Variants in IMMP2L observed in about 807,000 individuals in gnomAD.
IMMP2L encodes the protein inner mitochondrial membrane peptidase subunit 2, also known as mitochondrial inner membrane protease subunit 2.
IMMP2L carries 18 observed loss-of-function variants against 19.3 expected under a neutral mutation model. The observed-to-expected ratio is 0.93, with a 90% confidence interval of 0.64 to 1.38. The LOEUF is 1.38. Among genes scored for constraint, IMMP2L ranks in the 40% most tolerant of loss-of-function variants. The probability of loss-of-function intolerance (pLI) is 0.00; values close to 1 mark genes in which losing one functional copy is unlikely to be tolerated. For missense variants in IMMP2L, 233 were observed against 218.2 expected (o/e 1.07, Z -0.43); for synonymous variants, 76 against 73.0 (o/e 1.04, Z -0.21).
intron 1 of IMMP2L, among the ~76,000 whole-genome samples, chr7:111,525,760 T>A (rs995797114): frequency 6.6e-6 from 1 of 152,130 alleles, no homozygotes; most frequent in Non-Finnish European, 1.5e-5. Context: ...AAATATTTAA[T>A]ACTAAAATTA....
intron 3 of IMMP2L, among the ~76,000 whole-genome samples, chr7:111,341,246 T>A (rs1277427610): frequency 6.6e-6 from 1 of 152,048 alleles, no homozygotes; most frequent in Non-Finnish European, 1.5e-5. Flanking sequence ...AGCCAATACA[T>A]CACACAGAAA....
At chr7:110,990,798 T>C (rs2129559526) in intron 3 of IMMP2L, among the ~76,000 whole-genome samples, 1 of 152,234 alleles carries the variant, frequency 6.6e-6, no homozygotes, top group African/African-American at 2.4e-5. Flanking sequence ...TCTATCTTGG[T>C]TTTCCAATTG....
At chr7:110,797,718 A>C (rs971485013) in intron 5 of IMMP2L, among the ~76,000 whole-genome samples, 1 of 152,004 alleles carries the variant, frequency 6.6e-6, no homozygotes, top group African/African-American at 2.4e-5. Context: ...GTTCCCTGCT[A>C]TATGGAAGAC....
intron 5 of IMMP2L, among the ~76,000 whole-genome samples, chr7:110,840,516 T>C (rs1271137430): frequency 6.6e-6 from 1 of 152,094 alleles, no homozygotes; most frequent in African/African-American, 2.4e-5. Context: ...TTAGCTAAAA[T>C]TGAGAAGGTG....
chr7:111,429,107 T>A (rs182751163), intron 3 of IMMP2L, among the ~76,000 whole-genome samples: 1 of 151,904 alleles, frequency 6.6e-6, no homozygotes, highest in Admixed American at 6.6e-5. Flanking sequence ...GAACATGCAA[T>A]CCTTTTTTCT....
chr7:111,196,504 A>G (rs1456715500), intron 3 of IMMP2L, among the ~76,000 whole-genome samples: 1 of 152,216 alleles, frequency 6.6e-6, no homozygotes, highest in Admixed American at 6.5e-5. Flanking sequence ...ATTCAAAAAG[A>G]TTATGGAGGA....
intron 2 of IMMP2L, among the ~76,000 whole-genome samples, chr7:111,514,989 CTCTT>C (rs918398200): frequency 5.3e-5 from 8 of 152,070 alleles, no homozygotes; most frequent in Admixed American, 3.9e-4. Flanking sequence ...TCATTCTCCT[CTCTT>C]TCTTTCAACT....
At chr7:110,738,666 A>G (rs763276343) in intron 5 of IMMP2L, among the ~76,000 whole-genome samples, 11 of 152,224 alleles carry the variant, frequency 7.2e-5, no homozygotes, top group Non-Finnish European at 1.2e-4. Context: ...AGTCGAAGAA[A>G]ACTTCCCCAG....
chr7:110,901,531 T>C (rs544452155), intron 4 of IMMP2L, among the ~76,000 whole-genome samples: 2 of 152,296 alleles, frequency 1.3e-5, no homozygotes, highest in Admixed American at 6.5e-5. Context: ...GTGCTACACT[T>C]ACTTTGTGAA....
chr7:111,180,295 C>T (rs904469634), intron 3 of IMMP2L, among the ~76,000 whole-genome samples: 29 of 151,934 alleles, frequency 1.9e-4, no homozygotes, highest in Admixed American at 1.3e-4. Flanking sequence ...TTCTCTTGGA[C>T]ACTTAGAGGC....
chr7:111,123,095 C>A lies in IMMP2L; in HGVS notation c.240-159530G>T. ...TCTCAAAACAATTTATCTTCAGTCA[C>A]CAATATTAATGTAAAAAAGATGCCT... On this transcript the variant is annotated intron_variant, in intron 3 of 5. Coordinates refer to ENST00000405709, the MANE Select transcript of IMMP2L (RefSeq NM_032549.4). The surrounding 1 kb of genome is among the most constrained non-coding windows in gnomAD (Gnocchi z 6.4). 1 of 1,613,612 alleles carries A rather than the reference C, an allele frequency of 6.2e-7. No homozygotes were observed. The highest frequency in any genetic ancestry group is 2.2e-5 in the East Asian group (1 of 44,810).
intron 3 of IMMP2L, among the ~76,000 whole-genome samples, chr7:111,111,357 C>G (rs1799175971): frequency 7.5e-6 from 1 of 133,124 alleles, no homozygotes; most frequent in African/African-American, 2.8e-5. Context: ...TGCCCATTAA[C>G]AAAAATTAAA....
chr7:111,080,065 C>T (rs1465182211), intron 3 of IMMP2L, among the ~76,000 whole-genome samples: 4 of 152,004 alleles, frequency 2.6e-5, no homozygotes, highest in Admixed American at 1.3e-4. Context: ...CTATGGTATT[C>T]TGTTACAGCA....
chr7:111,271,019 G>A (rs1818404497), intron 3 of IMMP2L, among the ~76,000 whole-genome samples: 1 of 152,128 alleles, frequency 6.6e-6, no homozygotes, highest in Non-Finnish European at 1.5e-5. Flanking sequence ...ATCTTGAACT[G>A]TAGTTCCCAT....
chr7:111,536,946 T>C (rs750262271), intron 1 of IMMP2L, among the ~76,000 whole-genome samples: 3 of 152,074 alleles, frequency 2.0e-5, no homozygotes, highest in Non-Finnish European at 4.4e-5. Flanking sequence ...ACAGCTGACA[T>C]TGAAATTGTC....
chr7:110,904,097 G>A (rs1812205710), intron 4 of IMMP2L, among the ~76,000 whole-genome samples: 1 of 151,988 alleles, frequency 6.6e-6, no homozygotes. Context: ...CTATAGAGTT[G>A]TAGGAGTTCC....
chr7:111,315,679 C>A (rs754151807), intron 3 of IMMP2L, among the ~76,000 whole-genome samples: 41 of 150,710 alleles, frequency 2.7e-4, no homozygotes, highest in Non-Finnish European at 4.3e-4. Context: ...ATGAATGAGA[C>A]TACGTCCATT....
intron 4 of IMMP2L, among the ~76,000 whole-genome samples, chr7:110,907,504 G>C (rs1390618557): frequency 6.6e-6 from 1 of 151,768 alleles, no homozygotes; most frequent in Non-Finnish European, 1.5e-5. Flanking sequence ...ACATGATGGG[G>C]GATGGGGCGG....
rs1407226161 is a variant in IMMP2L, at chr7:111,403,004, ACCCC to A, written c.239+84230_239+84233del. Among the ~76,000 whole-genome samples the A allele has an allele frequency of 1.5e-3, 50 of 32,580 alleles. 3 individuals are homozygous for A. The highest frequency in any genetic ancestry group is 5.9e-3 in the African/African-American group (47 of 7,980). 21.4% of individuals were successfully genotyped at this position (32,580 alleles called of 152,430 possible). A position where few individuals can be genotyped will look rare whatever the true frequency, so the allele number is the denominator to read the frequency against. ...ACTGCAGCCTTGACCCCCCCCCCCC[ACCCC>A]GCCAGGCTCAGGTGATCCTCCCACC... On this transcript the variant is annotated intron_variant, in intron 3 of 5. Transcript: ENST00000405709.
Sources: gnomAD v4.1 joint callset for allele counts (sites outside exome capture counted in the v4.1 genomes callset) on GRCh38, gnomAD v4.1.1 for gene constraint, Gnocchi (gnomAD v3.1) non-coding constraint, MANE v1.5 for transcripts, NCBI Gene and HGNC (gene_info 2026-07-23, HGNC 2026-07-21) for gene names.